HEATR4: variants seen among roughly 807,000 people sequenced by gnomAD.
HEATR4 encodes the protein HEAT repeat containing 4, also known as HEAT repeat-containing protein 4.
Under a neutral mutation model 108.8 loss-of-function variants are expected in HEATR4, and 95 were observed. The ratio of observed to expected loss-of-function variants is 0.87; its 90% confidence interval spans 0.74 to 1.04. The LOEUF is 1.04. HEATR4 is among the 50% of genes least tolerant of loss of function. The pLI is 0.00. For missense variants in HEATR4, 1,152 were observed against 1,253.8 expected, an observed-to-expected ratio of 0.92 and a Z score of 1.23; for synonymous variants, 443 against 459.4, an observed-to-expected ratio of 0.96 and a Z score of 0.46.
rs1889247634 is a variant in HEATR4, at chr14:73,547,251, G to T, written c.-152+11500C>A. 2.7e-5 allele frequency among the ~76,000 whole-genome samples: 3 copies of T among 112,890 alleles called. 1 individual carries two copies. The highest frequency in any genetic ancestry group is 8.6e-5 in the African/African-American group (3 of 35,068). The allele number at this position is 112,890 out of a possible 152,430, so 74.1% of individuals were successfully genotyped here. ...CAAGTATTAGCCGGGCGTGGTGCTG[G>T]GCGCCTGTAATCCCAGCTACTCCGG... On this transcript the variant is annotated intron_variant, in intron 1 of 17. Transcript: ENST00000553558.
At chr14:73,478,967 C>A in intron 17 of HEATR4, 125 bp from the exon 18 acceptor site, 2 of 646,870 alleles carry the variant, frequency 3.1e-6, no homozygotes, top group Non-Finnish European at 2.6e-6. Context: ...GAGACGGAGT[C>A]CCACTCTGTC....
chr14:73,586,953 C>T, the HEATR4 span, among the ~76,000 whole-genome samples: 1 of 152,088 alleles, frequency 6.6e-6, no homozygotes, highest in Admixed American at 6.6e-5. Context: ...AGTCTTCCCA[C>T]CTGGGTCTCC....
At chr14:73,490,965 G>T in intron 17 of HEATR4, 2 of 1,304,482 alleles carry the variant, frequency 1.5e-6, no homozygotes, top group Non-Finnish European at 2.0e-6. Flanking sequence ...TTCAGGAACC[G>T]CTTTAGCTTC....
chr14:73,525,181 G>A (rs971427919), intron 2 of HEATR4, among the ~76,000 whole-genome samples: 9 of 151,934 alleles, frequency 5.9e-5, no homozygotes, highest in Admixed American at 3.3e-4. Flanking sequence ...AGGTGCATGC[G>A]CCACCACACC....
chr14:73,603,428 C>T, the HEATR4 span, among the ~76,000 whole-genome samples: 2 of 152,006 alleles, frequency 1.3e-5, no homozygotes, highest in African/African-American at 4.8e-5. Context: ...ATTCTCGGCT[C>T]ACTGTAACCT....
At chr14:73,567,901 G>A in the HEATR4 span, 5 of 152,060 alleles carry the variant, frequency 3.3e-5, no homozygotes, top group African/African-American at 1.2e-4. Context: ...CCACCAGAAG[G>A]AACACATTCC....
rs940841743 is a variant in HEATR4, at chr14:73,514,339, C to T, written c.1211-105G>A. The T allele has an allele frequency of 1.3e-5, 12 of 936,286 alleles. No homozygotes were observed. In the African/African-American group the frequency reaches 1.6e-4, roughly 13 times the overall value. 58.0% of individuals were successfully genotyped at this position (936,286 alleles called of 1,614,324 possible). The stretch of plus-strand genomic sequence containing the variant: ...TTCCTATTCCTGACTAATACCAAAG[C>T]AAAACAAAACCCTCAAGAGTGAATT... On this transcript the variant is annotated intron_variant, in intron 5 of 17. Coordinates refer to ENST00000553558, the MANE Select transcript of HEATR4 (RefSeq NM_001220484.1).
rs553324807 is a variant in HEATR4 at position 73,514,024 on chromosome 14, C to T, written c.1414+7G>A. On this transcript the variant is annotated splice_region_variant and intron_variant, in intron 6 of 17. Transcript: ENST00000553558. The stretch of plus-strand genomic sequence containing the variant: ...CGTACAGTATCACAGGACCTCCCTT[C>T]ACTCACTCAGAGCCCAGGCAGTCTT... The T allele has an allele frequency of 6.2e-7, 1 of 1,613,846 alleles. No homozygotes were observed. The highest frequency in any genetic ancestry group is 1.1e-5 in the South Asian group (1 of 91,076).
the HEATR4 span, among the ~76,000 whole-genome samples, chr14:73,616,313 A>T: frequency 2.0e-4 from 31 of 151,610 alleles, no homozygotes; most frequent in Admixed American, 4.0e-4. Context: ...TGTGAAAATA[A>T]TATTATTATT....
chr14:73,555,370 GC>G (rs1889378748), intron 1 of HEATR4, among the ~76,000 whole-genome samples: 1 of 109,924 alleles, frequency 9.1e-6, no homozygotes, highest in Non-Finnish European at 2.0e-5. Flanking sequence ...AAGTGCTGAA[GC>G]AAAAAAACTT....
chr14:73,564,353 T>C, the HEATR4 span, among the ~76,000 whole-genome samples: 65 of 151,068 alleles, frequency 4.3e-4, 1 homozygote, highest in African/African-American at 1.5e-3. Context: ...CTCTTGCCTA[T>C]AATCCCAACA....
chr14:73,574,396 C>T, the HEATR4 span: 2 of 202,626 alleles, frequency 9.9e-6, 1 homozygote, highest in Non-Finnish European at 2.0e-5. Context: ...TCCCACGTAG[C>T]TGTGACTACA....
At chr14:73,564,728 GTTTTTTT>G in the HEATR4 span, among the ~76,000 whole-genome samples, 1 of 37,176 alleles carries the variant, frequency 2.7e-5, no homozygotes. Flanking sequence ...TCTGTTTTTT[GTTTTTTT>G]TTTTTTTTTT....
At chr14:73,616,345 T>G in the HEATR4 span, among the ~76,000 whole-genome samples, 1 of 151,320 alleles carries the variant, frequency 6.6e-6, no homozygotes, top group African/African-American at 2.4e-5. Context: ...TGAGATAGAG[T>G]CTCACTCTGT....
At chr14:73,504,225 G>A (rs533276955) in intron 10 of HEATR4, among the ~76,000 whole-genome samples, 112 of 150,986 alleles carry the variant, frequency 7.4e-4, no homozygotes, top group Non-Finnish European at 1.4e-3. Flanking sequence ...TTATGGGCAT[G>A]TGCCACCAAG....
the HEATR4 span, chr14:73,593,610 T>G: frequency 5.3e-4 from 683 of 1,277,178 alleles, 5 homozygotes; most frequent in African/African-American, 9.1e-3. Flanking sequence ...CCTAAAGTGC[T>G]GAGATTACAA....
the HEATR4 span, among the ~76,000 whole-genome samples, chr14:73,589,299 TCTTC>T: frequency 1.6e-3 from 238 of 146,778 alleles, no homozygotes; most frequent in Middle Eastern, 3.4e-3. Flanking sequence ...TTGCTTTCTC[TCTTC>T]CTTCCCTTTT....
Position 73,521,173 on chromosome 14 carries a change from T to C in HEATR4, c.882-134A>G, listed in dbSNP as rs138247135. On this transcript the variant is annotated intron_variant, in intron 3 of 17. Coordinates refer to ENST00000553558, the MANE Select transcript of HEATR4 (RefSeq NM_001220484.1). The stretch of plus-strand genomic sequence containing the variant: ...ACACGTGAGCATTGCAGAACACCAA[T>C]GTTTAACTTTTAGCCTTGTCCCCAT... The C allele has an allele frequency of 1.1e-4, 87 of 757,276 alleles. 1 individual carries two copies. The African/African-American group carries it at 1.4e-3, about 12-fold the overall frequency. 46.9% of individuals were successfully genotyped at this position (757,276 alleles called of 1,614,324 possible).
chr14:73,484,940 G>C (rs1415089034), intron 17 of HEATR4, among the ~76,000 whole-genome samples: 1 of 151,922 alleles, frequency 6.6e-6, no homozygotes, highest in Non-Finnish European at 1.5e-5. Context: ...GAGGCAGGTG[G>C]ATCACCTGAG....
Sources: allele counts gnomAD v4.1 joint callset (sites outside exome capture counted in the v4.1 genomes callset), GRCh38; gene constraint gnomAD v4.1.1; transcripts MANE v1.5; gene names NCBI Gene and HGNC (gene_info 2026-07-23, HGNC 2026-07-21).